Variants in ZNF423 observed in about 807,000 individuals in gnomAD.
The protein encoded by ZNF423 is Ebf-associated zinc finger protein.
ZNF423 carries 12 observed loss-of-function variants against 95.8 expected under a neutral mutation model. That is an observed-to-expected ratio of 0.13 (90% confidence interval 0.08 to 0.20). The LOEUF (loss-of-function observed/expected upper bound fraction) is 0.20, where lower values mean the gene tolerates loss of function less well. Ranked by LOEUF, ZNF423 falls within the 10% of genes least tolerant of loss-of-function variation. The pLI, the probability that ZNF423 is intolerant of heterozygous loss-of-function variation, is 1.00. For missense variants in ZNF423, 1,316 were observed against 1,737.1 expected (o/e 0.76, Z 4.31); for synonymous variants, 749 against 711.9 (o/e 1.05, Z -0.83).
chr16:49,571,427 G>A (rs1393693184), intron 5 of ZNF423, among the ~76,000 whole-genome samples: 1 of 152,050 alleles, frequency 6.6e-6, no homozygotes, highest in Non-Finnish European at 1.5e-5. Flanking sequence ...AGGGCATCAG[G>A]CCTGTGTCTT....
intron 5 of ZNF423, among the ~76,000 whole-genome samples, chr16:49,595,328 A>C (rs1370066681): frequency 6.6e-6 from 1 of 152,234 alleles, no homozygotes; most frequent in Non-Finnish European, 1.5e-5. Context: ...CAGAGGCTGA[A>C]AATCAAGGTC....
intron 5 of ZNF423, among the ~76,000 whole-genome samples, chr16:49,618,239 C>G (rs1381530784): frequency 1.3e-5 from 2 of 152,228 alleles, no homozygotes; most frequent in Non-Finnish European, 2.9e-5. Context: ...GACAGCACGT[C>G]TCACAGGGTG....
chr16:49,745,795 G>C (rs557828360), intron 2 of ZNF423, among the ~76,000 whole-genome samples: 1 of 152,092 alleles, frequency 6.6e-6, no homozygotes, highest in Non-Finnish European at 1.5e-5. Context: ...TGACCCCCTC[G>C]TGTTAAGAAG....
At chr16:49,747,324 G>GAAAA (rs11402071) in intron 2 of ZNF423, among the ~76,000 whole-genome samples, 1 of 150,542 alleles carries the variant, frequency 6.6e-6, no homozygotes, top group Non-Finnish European at 1.5e-5. Flanking sequence ...TTGAGAGAGG[G>GAAAA]AAAAAAAAAG....
intron 2 of ZNF423, among the ~76,000 whole-genome samples, chr16:49,766,499 C>T (rs1188533604): frequency 6.6e-6 from 1 of 152,230 alleles, no homozygotes; most frequent in African/African-American, 2.4e-5. Flanking sequence ...CATCCTCACC[C>T]ACGCTTTTTC....
chr16:49,497,550 C>T (rs1272998927), intron 7 of ZNF423, among the ~76,000 whole-genome samples: 1 of 152,182 alleles, frequency 6.6e-6, no homozygotes, highest in Non-Finnish European at 1.5e-5. Context: ...CCCTGCTCTC[C>T]CGGCCCCACC....
chr16:49,751,942 G>A (rs2033640155), intron 2 of ZNF423, among the ~76,000 whole-genome samples: 1 of 152,046 alleles, frequency 6.6e-6, no homozygotes, highest in African/African-American at 2.4e-5. Flanking sequence ...CAGTGAAGAG[G>A]CCCCCACAGC....
rs148906483 is a variant in ZNF423 at position 49,648,918 on chromosome 16, G to A, written c.302-10044C>T. 1.7e-3 allele frequency among the ~76,000 whole-genome samples: 252 copies of A among 152,236 alleles called. 2 individuals carry two copies. Among genetic ancestry groups the A allele is most frequent in the Middle Eastern group, 3.4e-3 (1 of 294 alleles). Reference sequence around the variant, plus strand: ...AATCTCAGCAAAAGACAAAAGTAGAGAAGGGATTATCCAGGAAATATCTGT... The same window carrying A: ...AATCTCAGCAAAAGACAAAAGTAGAAAAGGGATTATCCAGGAAATATCTGT... On this transcript the variant is annotated intron_variant, in intron 3 of 7. Coordinates refer to ENST00000563137, the MANE Select transcript of ZNF423 (RefSeq NM_001379286.1).
intron 5 of ZNF423, among the ~76,000 whole-genome samples, chr16:49,535,912 A>AG (rs1265440510): frequency 2.0e-5 from 3 of 152,212 alleles, no homozygotes; most frequent in African/African-American, 7.2e-5. Context: ...AATGGCCTCT[A>AG]ATAATACACA....
intron 1 of ZNF423, among the ~76,000 whole-genome samples, chr16:49,823,665 A>AAGG (rs1392091247): frequency 6.6e-6 from 1 of 152,184 alleles, no homozygotes; most frequent in African/African-American, 2.4e-5. Flanking sequence ...AAAGGAGAAG[A>AAGG]AGGAGGCAGA....
rs534860138 is a variant in ZNF423 at position 49,551,389 on chromosome 16, A to G, written c.3602-25895T>C. Among the ~76,000 whole-genome samples, 4 of 152,288 alleles carry G rather than the reference A, an allele frequency of 2.6e-5. No homozygotes were observed. In the South Asian group the frequency reaches 8.3e-4, roughly 32 times the overall value. On this transcript the variant is annotated intron_variant, in intron 5 of 7. Transcript: ENST00000563137. The stretch of plus-strand genomic sequence containing the variant: ...AAACACAATTCCATCCCCCCTCCCA[A>G]AATACACACACATCAGCTTCTTCAA...
At chr16:49,655,312 T>C (rs931008404) in intron 3 of ZNF423, among the ~76,000 whole-genome samples, 7 of 152,130 alleles carry the variant, frequency 4.6e-5, no homozygotes, top group Non-Finnish European at 8.8e-5. Flanking sequence ...CACTAGCTCA[T>C]GAGTAAGTGG....
At chr16:49,525,722 C>A (rs1015978101) in intron 5 of ZNF423, among the ~76,000 whole-genome samples, 1 of 152,102 alleles carries the variant, frequency 6.6e-6, no homozygotes, top group African/African-American at 2.4e-5. Context: ...TTGGAGGTGC[C>A]ATTTGCTGTG....
chr16:49,576,399 T>C (rs1970503907), intron 5 of ZNF423, among the ~76,000 whole-genome samples: 1 of 152,192 alleles, frequency 6.6e-6, no homozygotes, highest in East Asian at 1.9e-4. Context: ...GGCTGGGCAC[T>C]GCCAGGTGCC....
chr16:49,805,204 C>A lies in ZNF423; in HGVS notation c.41-15658G>T, dbSNP rs373090132. ...ATGTTGCCCACAACCATACTCTCAGCCCCTTTAGGGAAAGTCTCTCCATCT... is the reference window on the plus strand; with the variant it reads ...ATGTTGCCCACAACCATACTCTCAGACCCTTTAGGGAAAGTCTCTCCATCT... On this transcript the variant is annotated intron_variant, in intron 1 of 7. Transcript: ENST00000563137. Among the ~76,000 whole-genome samples the A allele has an allele frequency of 3.9e-5, 6 of 152,292 alleles. 1 individual carries two copies. The highest frequency in any genetic ancestry group is 1.9e-4 in the East Asian group (1 of 5,180).
chr16:49,601,384 G>C (rs535659424), intron 5 of ZNF423, among the ~76,000 whole-genome samples: 1 of 152,202 alleles, frequency 6.6e-6, no homozygotes, highest in Non-Finnish European at 1.5e-5. Context: ...TAAGTGTTTA[G>C]AACAGGGCCT....
At chr16:49,808,218 C>T (rs1294495615) in intron 1 of ZNF423, among the ~76,000 whole-genome samples, 1 of 152,050 alleles carries the variant, frequency 6.6e-6, no homozygotes, top group Admixed American at 6.6e-5. Flanking sequence ...TGCACTACCA[C>T]ACCTACCTAA....
chr16:49,778,895 C>T (rs1408094114), intron 2 of ZNF423, among the ~76,000 whole-genome samples: 1 of 152,202 alleles, frequency 6.6e-6, no homozygotes, highest in Non-Finnish European at 1.5e-5. Context: ...ACGGATTTCC[C>T]GTGCCATCCT....
intron 4 of ZNF423, among the ~76,000 whole-genome samples, chr16:49,632,672 G>A (rs1236204197): frequency 6.6e-6 from 1 of 152,166 alleles, no homozygotes; most frequent in Non-Finnish European, 1.5e-5. Flanking sequence ...TTTCTGAGCT[G>A]GAGCCCCTCT....
Sources: allele counts gnomAD v4.1 joint callset (sites outside exome capture counted in the v4.1 genomes callset), GRCh38; gene constraint gnomAD v4.1.1; transcripts MANE v1.5; gene names NCBI Gene and HGNC (gene_info 2026-07-23, HGNC 2026-07-21).